PNPLA6: variants seen among roughly 807,000 people sequenced by gnomAD.
The protein encoded by PNPLA6 is patatin-like phospholipase domain-containing protein 6.
A neutral mutation model predicts 153.7 loss-of-function variants in PNPLA6; 105 were observed. That is an observed-to-expected ratio of 0.68 (90% confidence interval 0.58 to 0.80). The LOEUF (loss-of-function observed/expected upper bound fraction) is 0.80. PNPLA6 is among the 30% of genes least tolerant of loss of function. The pLI is 0.00. For missense variants in PNPLA6, 1,423 were observed against 1,919.3 expected, an observed-to-expected ratio of 0.74 and a Z score of 4.83; for synonymous variants, 825 against 822.2, an observed-to-expected ratio of 1.00 and a Z score of -0.06.
Position 7,555,530 on chromosome 19 carries a change from G to A in PNPLA6, c.2937-77G>A. 6.6e-7 allele frequency: 1 copy of A among 1,522,824 alleles called. No homozygotes were observed. Among genetic ancestry groups the A allele is most frequent in the East Asian group, 2.3e-5 (1 of 43,488 alleles). The allele number at this position is 1,522,824 out of a possible 1,614,324, so 94.3% of individuals were successfully genotyped here. A position where few individuals can be genotyped will look rare whatever the true frequency, so the allele number is the denominator to read the frequency against. ...GGTCCTTTGTTCCTTAGCAGTGCGG[G>A]AGGTGGGAGGAGGTAGGGGCAGGGG... On this transcript the variant is annotated intron_variant, in intron 23 of 31. Coordinates refer to ENST00000600737, the MANE Select transcript of PNPLA6 (RefSeq NM_001166114.2). This position sits in a 1 kb window ranked among gnomAD's most constrained non-coding sequence, Gnocchi z 6.3.
At chr19:7,542,301 C>A (rs2023186707) in intron 10 of PNPLA6, among the ~76,000 whole-genome samples, 1 of 152,178 alleles carries the variant, frequency 6.6e-6, no homozygotes, top group Admixed American at 6.5e-5. Context: ...TGGCCCATGG[C>A]ACATTGGTAT....
intron 26 of PNPLA6, 88 bp downstream of exon 26, chr19:7,556,812 C>T (rs368415405): frequency 1.9e-5 from 19 of 979,800 alleles, no homozygotes; most frequent in East Asian, 9.5e-5. Context: ...GCTTCTGGGA[C>T]GTTGTTAACA....
At position 7,556,469 on chromosome 19, in the gene PNPLA6, T is replaced by C; in HGVS notation, c.3110T>C (p.Leu1037Pro). ...REWAKSMTSVLEPVLDLTYPV... is the reference protein window; with the variant it reads ...REWAKSMTSVPEPVLDLTYPV... ...TGTCCCTAGAGCATGACTTCGGTGC[T>C]GGAACCTGTGTTGGACCTCACGTAC... The change falls in exon 25 of 32, where the codon CTG (leucine) becomes CCG (proline). Residue 1037 changes from leucine (L) to proline (P), a missense_variant. Leu to Pro is a moderately conservative substitution (Grantham distance 98). Transcript: ENST00000600737. 6.2e-7 allele frequency: 1 copy of C among 1,612,482 alleles called. No individual in the cohort carries two copies. The highest frequency in any genetic ancestry group is 1.1e-5 in the South Asian group (1 of 91,064).
intron 20 of PNPLA6, 28 bp from the exon 21 acceptor site, chr19:7,554,527 G>A: frequency 1.2e-6 from 2 of 1,613,786 alleles, no homozygotes; most frequent in East Asian, 2.2e-5. Context: ...GCCAACCCCA[G>A]GATGACGCTG....
At position 7,554,727 on chromosome 19, in the gene PNPLA6, G is replaced by T; in HGVS notation, c.2634+4G>T. On this transcript the variant is annotated splice_donor_region_variant and intron_variant, in intron 21 of 31. Coordinates refer to ENST00000600737, the MANE Select transcript of PNPLA6 (RefSeq NM_001166114.2). ...CCAGGAGCCTACCCTCGGCCAGGTC[G>T]GAAGCCCGTGCCCCCTGATCTCACC... is the stretch of plus-strand genomic sequence containing the variant. The T allele has an allele frequency of 6.2e-7, 1 of 1,611,530 alleles. No homozygotes were observed.
intron 26 of PNPLA6, 116 bp from the exon 27 acceptor site, chr19:7,557,052 G>T (rs183363534): frequency 9.6e-6 from 8 of 833,382 alleles, no homozygotes; most frequent in Non-Finnish European, 1.6e-5. Flanking sequence ...GCACCTGCTG[G>T]TGGACGGGTG....
chr19:7,534,224 C>A (rs2022736653), upstream of PNPLA6: 2 of 323,100 alleles, frequency 6.2e-6, no homozygotes, highest in South Asian at 5.5e-5. Context: ...GAGTGGACCC[C>A]GGCTGCGGCC....
chr19:7,537,298 G>A (rs2022923927), intron 3 of PNPLA6, among the ~76,000 whole-genome samples: 1 of 152,088 alleles, frequency 6.6e-6, no homozygotes, highest in Non-Finnish European at 1.5e-5. Context: ...CTCTTCTCCG[G>A]GGGTTATCTC....
In PNPLA6 at chr19:7,555,126, G is replaced by C; in HGVS notation, c.2817+51G>C. 6.4e-7 allele frequency: 1 copy of C among 1,569,874 alleles called. No individual in the cohort carries two copies. The highest frequency in any genetic ancestry group is 2.3e-5 in the East Asian group (1 of 43,556). On this transcript the variant is annotated intron_variant, in intron 22 of 31. Coordinates refer to ENST00000600737, the MANE Select transcript of PNPLA6 (RefSeq NM_001166114.2). The surrounding 1 kb of genome is among the most constrained non-coding windows in gnomAD (Gnocchi z 6.3). ...TCTAGGGGCGTGGCTGGTGGGCGAG[G>C]CTTGGGAGACTGGGGCGGGGCCTGG...
In PNPLA6 at chr19:7,551,353, C is replaced by T. The variant is rs747859135; in HGVS notation, c.2185-9C>T. 2.5e-6 allele frequency: 4 copies of T among 1,613,660 alleles called. No homozygotes were observed. Among genetic ancestry groups the T allele is most frequent in the South Asian group, 1.1e-5 (1 of 91,080 alleles). ...GTCTCACTGAAATGCCGGCCTCCAA[C>T]GCCCCCAGGTCGTGACCCGCCTTAT... On this transcript the variant is annotated splice_polypyrimidine_tract_variant and intron_variant, in intron 17 of 31. Coordinates refer to ENST00000600737, the MANE Select transcript of PNPLA6 (RefSeq NM_001166114.2).
rs970235635 is a variant in PNPLA6 at position 7,561,385 on chromosome 19, G to C, written c.4023+68G>C. The C allele has an allele frequency of 3.5e-6, 5 of 1,439,280 alleles. 1 individual carries two copies. Among genetic ancestry groups the C allele is most frequent in the Non-Finnish European group, 4.8e-6 (5 of 1,038,768 alleles). 89.2% of individuals were successfully genotyped at this position (1,439,280 alleles called of 1,614,324 possible). ...GTCATGAGTACAGTGTCAGGCAGGGGAGCCGGGGGCGTATTTGAGATCCTG... is the reference window on the plus strand; with the variant it reads ...GTCATGAGTACAGTGTCAGGCAGGGCAGCCGGGGGCGTATTTGAGATCCTG... On this transcript the variant is annotated intron_variant, in intron 31 of 31. Transcript: ENST00000600737.
Position 7,555,193 on chromosome 19 carries a change from G to A in PNPLA6, c.2818-56G>A. The A allele has an allele frequency of 6.5e-7, 1 of 1,529,774 alleles. No homozygotes were observed. Among genetic ancestry groups the A allele is most frequent in the East Asian group, 2.3e-5 (1 of 42,790 alleles). 94.8% of individuals were successfully genotyped at this position (1,529,774 alleles called of 1,614,324 possible). On this transcript the variant is annotated intron_variant, in intron 22 of 31. Transcript: ENST00000600737. The surrounding 1 kb of genome is among the most constrained non-coding windows in gnomAD (Gnocchi z 6.3). ...CTCGAAGGTCAGGGTACCCCTGGGG[G>A]ATCCGCCGGACCCCGCCCTCATGCT...
intron 13 of PNPLA6, among the ~76,000 whole-genome samples, chr19:7,544,652 C>T (rs929342907): frequency 6.6e-6 from 1 of 152,032 alleles, no homozygotes; most frequent in Non-Finnish European, 1.5e-5. Flanking sequence ...AGCTCTGCCC[C>T]AGGCTTGGGG....
intron 24 of PNPLA6, 71 bp from the exon 25 acceptor site, chr19:7,556,382 C>T (rs535066967): frequency 1.7e-4 from 160 of 932,450 alleles, no homozygotes; most frequent in Admixed American, 5.9e-4. Flanking sequence ...GCTTGCTCAC[C>T]CCCTATTGAT....
In PNPLA6 at chr19:7,550,359, T is replaced by G. The variant is rs1484050135; in HGVS notation, c.1876T>G (p.Ser626Ala). 10 of 1,612,334 alleles carry G rather than the reference T, an allele frequency of 6.2e-6. No individual in the cohort carries two copies. Among genetic ancestry groups the G allele is most frequent in the Non-Finnish European group, 7.6e-6 (9 of 1,180,028 alleles). ...SAAHTVAARMSPFVRQMDFAI... is the reference protein window; with the variant it reads ...SAAHTVAARMAPFVRQMDFAI... ...GGCGCACACGGTGGCAGCCAGGATGTCGCCCTTCGTGCGCCAGATGGACTT... is the reference window on the plus strand; with the variant it reads ...GGCGCACACGGTGGCAGCCAGGATGGCGCCCTTCGTGCGCCAGATGGACTT... Residue 626 changes from serine (S) to alanine (A), a missense_variant, in exon 15 of 32, where the codon TCG becomes GCG. By Grantham distance (99) the Ser-to-Ala change is moderately conservative (BLOSUM62 1). Transcript: ENST00000600737.
chr19:7,553,810 G>A, intron 18 of PNPLA6, 65 bp from the exon 19 acceptor site: 1 of 1,594,760 alleles, frequency 6.3e-7, no homozygotes, highest in East Asian at 2.2e-5. Flanking sequence ...AGAAGAGGAG[G>A]AGGAGGGTTC....
In PNPLA6 at chr19:7,541,441, G is replaced by A. The variant is rs748933184; in HGVS notation, c.1005+7G>A. ...CAATGAGCTCTTCAGCCACGTGAGTGGGTGGCGGGGAGCGAGCACAGGGGG... is the reference window on the plus strand; with the variant it reads ...CAATGAGCTCTTCAGCCACGTGAGTAGGTGGCGGGGAGCGAGCACAGGGGG... On this transcript the variant is annotated splice_region_variant and intron_variant, in intron 8 of 31. Coordinates refer to ENST00000600737, the MANE Select transcript of PNPLA6 (RefSeq NM_001166114.2). The surrounding 1 kb of genome is among the most constrained non-coding windows in gnomAD (Gnocchi z 5.2). The A allele has an allele frequency of 6.2e-7, 1 of 1,613,500 alleles. No homozygotes were observed. The highest frequency in any genetic ancestry group is 2.2e-5 in the East Asian group (1 of 44,858).
chr19:7,551,281 G>T lies in PNPLA6; in HGVS notation c.2185-81G>T, dbSNP rs1420588920. 3.5e-6 allele frequency: 5 copies of T among 1,429,044 alleles called. No individual in the cohort carries two copies. In the African/African-American group the frequency reaches 5.6e-5, roughly 16 times the overall value. The allele number at this position is 1,429,044 out of a possible 1,614,324, so 88.5% of individuals were successfully genotyped here. A position where few individuals can be genotyped will look rare whatever the true frequency, so the allele number is the denominator to read the frequency against. ...GGACCCAGGTAACGGGCACCCAGGA[G>T]CCCCGGCATAGGAGGGAGAGGTGGG... On this transcript the variant is annotated intron_variant, in intron 17 of 31. Transcript: ENST00000600737.
At chr19:7,561,413 T>TGTGCTGG in intron 31 of PNPLA6, 75 bp from the exon 32 acceptor site, 1 of 1,433,562 alleles carries the variant, frequency 7.0e-7, no homozygotes. Context: ...AGATCCTGTG[T>TGTGCTGG]GTGCTGGGTG....
Sources: allele counts gnomAD v4.1 joint callset (sites outside exome capture counted in the v4.1 genomes callset), GRCh38; gene constraint gnomAD v4.1.1; non-coding constraint Gnocchi (gnomAD v3.1); transcripts MANE v1.5; gene names NCBI Gene and HGNC (gene_info 2026-07-23, HGNC 2026-07-21).